CFAP20DC: variants seen among roughly 807,000 people sequenced by gnomAD.
CFAP20DC encodes CFAP20 domain containing.
CFAP20DC carries 84 observed loss-of-function variants against 101.7 expected under a neutral mutation model. The ratio of observed to expected loss-of-function variants is 0.83; its 90% CI spans 0.69 to 0.99. CFAP20DC has a LOEUF of 0.99. CFAP20DC is among the 50% of genes least tolerant of loss of function. The pLI is 0.00. For synonymous variants in CFAP20DC, 359 were observed against 351.2 expected (o/e 1.02, Z -0.25); for missense variants, 1,007 against 970.3 (o/e 1.04, Z -0.50).
chr3:58,960,391 C>G (rs2091030916), intron 4 of CFAP20DC, among the ~76,000 whole-genome samples: 1 of 151,382 alleles, frequency 6.6e-6, no homozygotes, highest in Non-Finnish European at 1.5e-5. Flanking sequence ...ACTCAGGAGG[C>G]TGAGGCAGAA....
chr3:58,766,488 TCTC>T (rs2070324684), intron 15 of CFAP20DC, among the ~76,000 whole-genome samples: 1 of 152,124 alleles, frequency 6.6e-6, no homozygotes, highest in African/African-American at 2.4e-5. Context: ...TCTTACTTGA[TCTC>T]CTCATATTCA....
intron 6 of CFAP20DC, among the ~76,000 whole-genome samples, chr3:58,898,884 TTA>T (rs2082896981): frequency 6.6e-6 from 1 of 152,092 alleles, no homozygotes; most frequent in African/African-American, 2.4e-5. Flanking sequence ...TCCTTTTTGT[TTA>T]TGTTATTGTT....
At chr3:58,951,099 T>C (rs372195686) in intron 4 of CFAP20DC, among the ~76,000 whole-genome samples, 12 of 151,406 alleles carry the variant, frequency 7.9e-5, no homozygotes, top group African/African-American at 2.2e-4. Context: ...GGGTGAAGGA[T>C]ATGAACAGAC....
At chr3:58,875,919 T>C (rs1324734424) in intron 7 of CFAP20DC, among the ~76,000 whole-genome samples, 2 of 152,194 alleles carry the variant, frequency 1.3e-5, no homozygotes, top group East Asian at 3.8e-4. Flanking sequence ...TCTTGCTTAG[T>C]AGTGGACACC....
At chr3:58,974,782 A>G (rs1288189388) in intron 4 of CFAP20DC, among the ~76,000 whole-genome samples, 1 of 152,124 alleles carries the variant, frequency 6.6e-6, no homozygotes, top group Non-Finnish European at 1.5e-5. Context: ...GCCATTTGCA[A>G]GTGGTCCTGG....
intron 3 of CFAP20DC, among the ~76,000 whole-genome samples, chr3:59,043,674 C>T (rs1445665046): frequency 6.6e-6 from 1 of 151,862 alleles, no homozygotes; most frequent in Non-Finnish European, 1.5e-5. Context: ...AAACATGAGC[C>T]TCCAACAGAA....
chr3:58,943,319 G>T (rs2088892310), intron 4 of CFAP20DC, among the ~76,000 whole-genome samples: 1 of 152,180 alleles, frequency 6.6e-6, no homozygotes, highest in Non-Finnish European at 1.5e-5. Context: ...TCATACAGGA[G>T]AGCTCTGCCT....
chr3:58,950,642 G>C (rs1024063716), intron 4 of CFAP20DC, among the ~76,000 whole-genome samples: 2 of 152,048 alleles, frequency 1.3e-5, no homozygotes, highest in South Asian at 2.1e-4. Context: ...ACAAACCTGA[G>C]AAAAACAAGA....
At chr3:58,991,235 G>A (rs989453576) in intron 4 of CFAP20DC, among the ~76,000 whole-genome samples, 5 of 152,074 alleles carry the variant, frequency 3.3e-5, no homozygotes, top group Admixed American at 2.6e-4. Context: ...ACAAACTGTA[G>A]TTGAACCAAA....
chr3:59,025,147 C>G (rs750574004), intron 4 of CFAP20DC, among the ~76,000 whole-genome samples: 10 of 152,210 alleles, frequency 6.6e-5, no homozygotes, highest in Non-Finnish European at 1.0e-4. Context: ...ACCTGTAACT[C>G]CCTTCATACC....
At chr3:58,757,087 G>A (rs893191754) in intron 15 of CFAP20DC, among the ~76,000 whole-genome samples, 1 of 152,036 alleles carries the variant, frequency 6.6e-6, no homozygotes, top group African/African-American at 2.4e-5. Context: ...CTAAAAGTGG[G>A]ATTCCCAGAA....
In CFAP20DC at chr3:58,914,125, T is replaced by C. The variant is rs910202203; in HGVS notation, c.394-261A>G. On this transcript the variant is annotated intron_variant, in intron 5 of 16. Transcript: ENST00000482387. The surrounding 1 kb of genome is among the most constrained non-coding windows in gnomAD (Gnocchi z 4.9). The stretch of plus-strand genomic sequence containing the variant: ...ATCATGAGACAAGACTATGACAACT[T>C]TGGGAAATAACTCTCTATCTGTAGG... Among the ~76,000 whole-genome samples, 4 of 152,122 alleles carry C rather than the reference T, an allele frequency of 2.6e-5. No homozygotes were observed. Among genetic ancestry groups the C allele is most frequent in the African/African-American group, 9.7e-5 (4 of 41,442 alleles).
chr3:58,951,940 C>A lies in CFAP20DC; in HGVS notation c.279-14178G>T, dbSNP rs1383092559. Among the ~76,000 whole-genome samples the A allele has an allele frequency of 5.3e-5, 8 of 152,224 alleles. No homozygotes were observed. The East Asian group carries it at 1.5e-3, about 29-fold the overall frequency. On this transcript the variant is annotated intron_variant, in intron 4 of 16. Coordinates refer to ENST00000482387, the MANE Select transcript of CFAP20DC (RefSeq NM_001394063.1). ...AAAAGGGTTACTAGAATTTGGTGTT[C>A]CAAAGCTCACTTTAGAGTTTAGATA... is the stretch of plus-strand genomic sequence containing the variant.
rs2093655790 is a variant in CFAP20DC at position 59,014,780 on chromosome 3, A to T, written c.278+24777T>A. The stretch of plus-strand genomic sequence containing the variant: ...GTAGTACTACATAATGGTGGAAGGC[A>T]GTAGTACTACATATGGACCATGGCT... On this transcript the variant is annotated intron_variant, in intron 4 of 16. Coordinates refer to ENST00000482387, the MANE Select transcript of CFAP20DC (RefSeq NM_001394063.1). The surrounding 1 kb of genome is among the most constrained non-coding windows in gnomAD (Gnocchi z 4.9). 2.0e-5 allele frequency among the ~76,000 whole-genome samples: 3 copies of T among 152,128 alleles called. No homozygotes were observed.
intron 4 of CFAP20DC, among the ~76,000 whole-genome samples, chr3:58,982,592 A>G (rs1199683461): frequency 6.6e-6 from 1 of 151,832 alleles, no homozygotes; most frequent in Non-Finnish European, 1.5e-5. Flanking sequence ...TATTCTAAGC[A>G]AACTATCACA....
chr3:58,793,143 G>A lies in CFAP20DC; in HGVS notation c.2237+13252C>T, dbSNP rs17059832. On this transcript the variant is annotated intron_variant, in intron 15 of 16. Coordinates refer to ENST00000482387, the MANE Select transcript of CFAP20DC (RefSeq NM_001394063.1). ...TATATTATACTACCAGAGTGTTATTGTAGTTTAAAAATATCATTAAATCAG... is the reference window on the plus strand; with the variant it reads ...TATATTATACTACCAGAGTGTTATTATAGTTTAAAAATATCATTAAATCAG... Among the ~76,000 whole-genome samples the A allele has an allele frequency of 9.9e-3, 1,513 of 152,186 alleles. 24 individuals are homozygous for A. Among genetic ancestry groups the A allele is most frequent in the African/African-American group, 0.035 (1,463 of 41,526 alleles).
intron 4 of CFAP20DC, among the ~76,000 whole-genome samples, chr3:59,010,369 T>A (rs1345288687): frequency 1.3e-5 from 2 of 152,090 alleles, no homozygotes; most frequent in Non-Finnish European, 2.9e-5. Flanking sequence ...GAAAGAGATA[T>A]TCCATGTAAA....
chr3:58,815,039 C>G (rs888079970), intron 14 of CFAP20DC, among the ~76,000 whole-genome samples: 4 of 151,378 alleles, frequency 2.6e-5, no homozygotes, highest in Admixed American at 1.3e-4. Context: ...AAAAAGAGCC[C>G]GCATCGCCAA....
intron 4 of CFAP20DC, among the ~76,000 whole-genome samples, chr3:58,943,514 G>T (rs2088919304): frequency 6.6e-6 from 1 of 152,104 alleles, no homozygotes. Flanking sequence ...CAAACAGAAA[G>T]GAATAGAATC....
Sources: allele counts gnomAD v4.1 joint callset (sites outside exome capture counted in the v4.1 genomes callset), GRCh38; gene constraint gnomAD v4.1.1; non-coding constraint Gnocchi (gnomAD v3.1); transcripts MANE v1.5; gene names NCBI Gene and HGNC (gene_info 2026-07-23, HGNC 2026-07-21).